Variants in APOB observed in about 807,000 individuals in gnomAD.
APOB encodes the protein apolipoprotein B.
A neutral mutation model predicts 314.1 loss-of-function variants in APOB; 153 were observed. The ratio of observed to expected loss-of-function variants is 0.49; its 90% CI spans 0.43 to 0.56. APOB has a LOEUF of 0.56. Ranked by LOEUF, APOB falls within the 20% of genes least tolerant of loss-of-function variation. The pLI is 0.00. For synonymous variants in APOB, 2,087 were observed against 2,036.4 expected, an observed-to-expected ratio of 1.02 and a Z score of -0.67; for missense variants, 5,430 against 5,350.7, an observed-to-expected ratio of 1.01 and a Z score of -0.46.
intron 2 of APOB, 29 bp from the exon 3 acceptor site, chr2:21,042,505 A>G (rs1272172670): frequency 1.3e-6 from 2 of 1,549,312 alleles, no homozygotes; most frequent in Non-Finnish European, 1.8e-6. Context: ...CGTCAGCCAC[A>G]TAGCAGAAAT....
chr2:21,002,694 A>T lies in APOB; in HGVS notation c.12728T>A (p.Phe4243Tyr). 6.2e-7 allele frequency: 1 copy of T among 1,613,832 alleles called. No individual in the cohort carries two copies. The highest frequency in any genetic ancestry group is 8.5e-7 in the Non-Finnish European group (1 of 1,179,902). Reference sequence around the variant, plus strand: ...AATCACTAGGTCTTGGAAATAGGAAAACAGTATTTCTGAACCATTATGGAC... The same window carrying T: ...AATCACTAGGTCTTGGAAATAGGAATACAGTATTTCTGAACCATTATGGAC... ...SKVHNGSEIL[F>Y]SYFQDLVITL... is the part of the protein sequence containing the mutation. Residue 4243 changes from phenylalanine to tyrosine, a missense_variant, in exon 29 of 29, where the codon TTT becomes TAT. Phe to Tyr is a conservative substitution (Grantham distance 22). Transcript: ENST00000233242.
intron 20 of APOB, 47 bp from the exon 21 acceptor site, chr2:21,016,696 T>C: frequency 7.4e-7 from 1 of 1,351,308 alleles, no homozygotes; most frequent in South Asian, 1.2e-5. Flanking sequence ...TAAGAAGCTA[T>C]GTTTTGGGCC....
chr2:21,022,760 GC>G, intron 18 of APOB, 70 bp downstream of exon 18: 1 of 1,466,244 alleles, frequency 6.8e-7, no homozygotes, highest in Non-Finnish European at 9.5e-7. Context: ...GTTTAGCCTG[GC>G]AAAATTCTGC....
At chr2:21,029,816 C>T (rs1253477826) in intron 11 of APOB, 31 bp from the exon 12 acceptor site, 5 of 1,613,580 alleles carry the variant, frequency 3.1e-6, no homozygotes, top group Non-Finnish European at 4.2e-6. Flanking sequence ...AAGAACCCAT[C>T]AGGGTGCAGG....
Position 21,002,776 on chromosome 2 carries a change from G to T in APOB, c.12646C>A (p.Leu4216Ile), listed in dbSNP as rs1426611693. 4 of 1,608,272 alleles carry T rather than the reference G, an allele frequency of 2.5e-6. No individual in the cohort carries two copies. The highest frequency in any genetic ancestry group is 1.7e-4 in the Middle Eastern group (1 of 6,034). ...ACCTCCCTTATGAACATAGTGCAAA[G>T]TTCCTCCCTAGTGTATATCCCAGGT... ...GKPGIYTREE[L>I]CTMFIREVGT... The change falls in exon 29 of 29, where the codon CTT (leucine) becomes ATT (isoleucine). Residue 4216 changes from leucine (L) to isoleucine (I), a missense_variant. Leu to Ile is a conservative substitution (Grantham distance 5). Transcript: ENST00000233242.
At position 21,011,316 on chromosome 2, in the gene APOB, T is replaced by C. The variant is rs775319150; in HGVS notation, c.5552A>G (p.Tyr1851Cys). 1 of 1,614,220 alleles carries C rather than the reference T, an allele frequency of 6.2e-7. No homozygotes were observed. Among genetic ancestry groups the C allele is most frequent in the Admixed American group, 1.7e-5 (1 of 60,022 alleles). ...AISSAALSASYKADTVAKVQG... is the reference protein window; with the variant it reads ...AISSAALSASCKADTVAKVQG... ...AACCTTAGCAACAGTGTCTGCTTTA[T>C]AGCTTGCTGATAAGGCAGCAGAAGA... Residue 1851 changes from tyrosine (Y) to cysteine (C), a missense_variant, in exon 26 of 29, where the codon TAT becomes TGT. Physicochemically the swap from Tyr to Cys is radical, Grantham distance 194. Coordinates refer to ENST00000233242, the MANE Select transcript of APOB (RefSeq NM_000384.3).
rs1361325214 is a variant in APOB at position 21,028,394 on chromosome 2, G to T, written c.1762C>A (p.Gln588Lys). Residue 588 changes from glutamine to lysine, a missense_variant, in exon 13 of 29, where the codon CAA becomes AAA. Around this residue, in one of 3 missense-constraint regions of APOB, gnomAD observed 2,085 missense variants for 2,079.7 expected, o/e 1.00. Transcript: ENST00000233242. ...VQILPWEQNE[Q>K]VKNFVASHIA... The stretch of plus-strand genomic sequence containing the variant: ...TGGGAAGCCACAAAGTTCTTCACTT[G>T]CTCATTCTGTTCCCATGGTAGAATT... 6.2e-7 allele frequency: 1 copy of T among 1,614,044 alleles called. No individual in the cohort carries two copies. Among genetic ancestry groups the T allele is most frequent in the Non-Finnish European group, 8.5e-7 (1 of 1,180,010 alleles).
rs1460987631 is a variant in APOB at position 21,003,337 on chromosome 2, A to G, written c.12088-3T>C. The G allele has an allele frequency of 1.2e-6, 2 of 1,611,158 alleles. No individual in the cohort carries two copies. Among genetic ancestry groups the G allele is most frequent in the Non-Finnish European group, 1.7e-6 (2 of 1,179,000 alleles). On this transcript the variant is annotated splice_region_variant and splice_polypyrimidine_tract_variant and intron_variant, in intron 28 of 28. Coordinates refer to ENST00000233242, the MANE Select transcript of APOB (RefSeq NM_000384.3). ...GTGAGTTTTTTATCTGGAGAGGACT[A>G]AACAGAGAGAAAAAAAAAAATAACA... is the stretch of plus-strand genomic sequence containing the variant.
At chr2:21,043,456 T>G in intron 2 of APOB, 57 bp downstream of exon 2, 1 of 1,560,126 alleles carries the variant, frequency 6.4e-7, no homozygotes, top group East Asian at 2.3e-5. Context: ...GGGACCCGGG[T>G]GTAGGAGAGT....
chr2:21,006,695 CCT>C lies in APOB; in HGVS notation c.10171_10172del (p.Arg3391GlyfsTer18). The C allele has an allele frequency of 6.2e-7, 1 of 1,614,046 alleles. No homozygotes were observed. The highest frequency in any genetic ancestry group is 1.6e-4 in the Middle Eastern group (1 of 6,062). ...LEGTTRLTRK[R>X]GLKLATALSL... Reference sequence around the variant, plus strand: ...ACAGAGCTGTGGCTAACTTCAATCCCCTTTTTCTTGTCAATCTTGTGGTGCCC... The same window carrying C: ...ACAGAGCTGTGGCTAACTTCAATCCCTTTTCTTGTCAATCTTGTGGTGCCC... On this transcript the variant is annotated frameshift_variant, in exon 26 of 29. Transcript: ENST00000233242. LOFTEE classifies it high-confidence loss of function.
At position 21,004,697 on chromosome 2, in the gene APOB, T is replaced by C. The variant is rs368433213; in HGVS notation, c.11789-22A>G. ...AAAACTGTATAGGAGAGATTTTGTA[T>C]TTTATTAGATTCATAACAGTAGGAC... On this transcript the variant is annotated intron_variant, in intron 26 of 28. Coordinates refer to ENST00000233242, the MANE Select transcript of APOB (RefSeq NM_000384.3). 64 of 1,540,004 alleles carry C rather than the reference T, an allele frequency of 4.2e-5. No homozygotes were observed. The African/African-American group carries it at 8.0e-4, about 19-fold the overall frequency.
chr2:21,032,253 G>A (rs1663898244), intron 10 of APOB, 101 bp downstream of exon 10: 2 of 1,076,116 alleles, frequency 1.9e-6, no homozygotes, highest in South Asian at 2.5e-5. Flanking sequence ...AAGGAGCAGA[G>A]TTTGAAAGTG....
At chr2:21,021,226 C>G (rs1663599124) in intron 18 of APOB, among the ~76,000 whole-genome samples, 1 of 152,170 alleles carries the variant, frequency 6.6e-6, no homozygotes, top group Middle Eastern at 3.2e-3. Flanking sequence ...GCGCCTCCTT[C>G]CTCTTTTCTT....
intron 15 of APOB, among the ~76,000 whole-genome samples, chr2:21,025,991 G>A (rs938958348): frequency 6.6e-6 from 1 of 152,188 alleles, no homozygotes; most frequent in African/African-American, 2.4e-5. Flanking sequence ...GCCAAAGACA[G>A]CAGTTAATAA....
In APOB at chr2:21,002,787, G is replaced by C. The variant is rs201208445; in HGVS notation, c.12635C>G (p.Thr4212Ser). The C allele has an allele frequency of 1.9e-5, 30 of 1,609,474 alleles. No homozygotes were observed. Among genetic ancestry groups the C allele is most frequent in the Admixed American group, 3.3e-5 (2 of 59,788 alleles). ...GAACATAGTGCAAAGTTCCTCCCTA[G>C]TGTATATCCCAGGTTTCCCCGGAAA... Reference protein sequence around the residue: ...FQFPGKPGIYTREELCTMFIR... With the variant: ...FQFPGKPGIYSREELCTMFIR... Residue 4212 changes from threonine to serine, a missense_variant, in exon 29 of 29, where the codon ACT (threonine) becomes AGT (serine). Transcript: ENST00000233242.
In APOB at chr2:21,003,207, T is replaced by C; in HGVS notation, c.12215A>G (p.Asp4072Gly). 3 of 1,614,070 alleles carry C rather than the reference T, an allele frequency of 1.9e-6. No homozygotes were observed. The highest frequency in any genetic ancestry group is 2.5e-6 in the Non-Finnish European group (3 of 1,179,962). The change falls in exon 29 of 29, where the codon GAC becomes GGC. Residue 4072 changes from aspartate to glycine, a missense_variant. Transcript: ENST00000233242. ...AASGLLTSLKDNVPKATGVLY... is the reference protein window; with the variant it reads ...AASGLLTSLKGNVPKATGVLY... ...GACCCCTGTGGCCTTGGGCACGTTG[T>C]CTTTCAGAGAGGTTAGCAAGCCAGA...
chr2:21,017,022 C>CAAATAAAT (rs545958284), intron 20 of APOB, among the ~76,000 whole-genome samples: 2 of 129,836 alleles, frequency 1.5e-5, no homozygotes, highest in Non-Finnish European at 3.5e-5. Context: ...AATAAACAAA[C>CAAATAAAT]AAATAAATAA....
rs566249791 is a variant in APOB, at chr2:21,022,456, T to G, written c.2816+375A>C. Among the ~76,000 whole-genome samples, 8 of 152,320 alleles carry G rather than the reference T, an allele frequency of 5.3e-5. No homozygotes were observed. The East Asian group carries it at 7.7e-4, about 15-fold the overall frequency. On this transcript the variant is annotated intron_variant, in intron 18 of 28. Coordinates refer to ENST00000233242, the MANE Select transcript of APOB (RefSeq NM_000384.3). ...AATCAATATGTTCTTAGGTATTTTTTGGGGGGGAAAATATTAATTTTCCAA... is the reference window on the plus strand; with the variant it reads ...AATCAATATGTTCTTAGGTATTTTTGGGGGGGGAAAATATTAATTTTCCAA...
At chr2:21,016,754 G>A in intron 20 of APOB, 105 bp from the exon 21 acceptor site, 2 of 762,342 alleles carry the variant, frequency 2.6e-6, no homozygotes, top group Middle Eastern at 2.5e-4. Flanking sequence ...GGAGGCCAAG[G>A]CGGGCAGATC....
Sources: allele counts gnomAD v4.1 joint callset (sites outside exome capture counted in the v4.1 genomes callset), GRCh38; gene constraint gnomAD v4.1.1; regional missense constraint gnomAD v4.1.1; transcripts MANE v1.5; gene names NCBI Gene and HGNC (gene_info 2026-07-23, HGNC 2026-07-21).